ALG12: variants seen among roughly 807,000 people sequenced by gnomAD.
ALG12 encodes the protein ALG12 alpha-1,6-mannosyltransferase.
Under a neutral mutation model 46.0 loss-of-function variants are expected in ALG12, and 36 were observed. That is an observed-to-expected ratio of 0.78 (90% confidence interval 0.60 to 1.03). ALG12 has a LOEUF of 1.03. ALG12 is among the 50% of genes least tolerant of loss of function. The pLI is 0.00. For synonymous variants in ALG12, 326 were observed against 291.6 expected (o/e 1.12, Z -1.20); for missense variants, 599 against 633.5 (o/e 0.95, Z 0.58).
chr22:49,911,303 T>C lies in ALG12; in HGVS notation c.296-696A>G, dbSNP rs958750118. Among the ~76,000 whole-genome samples the C allele has an allele frequency of 4.6e-5, 7 of 152,182 alleles. No individual in the cohort carries two copies. In the East Asian group the frequency reaches 5.8e-4, roughly 13 times the overall value. Reference sequence around the variant, plus strand: ...GGGTCCAGGCAGCTGTGGGGGCCAATGGGCAGAGATACCCAGGCACTGCCA... The same window carrying C: ...GGGTCCAGGCAGCTGTGGGGGCCAACGGGCAGAGATACCCAGGCACTGCCA... On this transcript the variant is annotated intron_variant, in intron 3 of 9. Coordinates refer to ENST00000330817, the MANE Select transcript of ALG12 (RefSeq NM_024105.4).
chr22:49,877,848 G>T, the ALG12 span, among the ~76,000 whole-genome samples: 4 of 152,028 alleles, frequency 2.6e-5, no homozygotes, highest in Admixed American at 2.0e-4. Context: ...CTGCCCTTTG[G>T]CCTCCCGCAC....
At chr22:49,875,192 G>A in the ALG12 span, among the ~76,000 whole-genome samples, 1 of 151,520 alleles carries the variant, frequency 6.6e-6, no homozygotes, top group Non-Finnish European at 1.5e-5. Context: ...AGAATTGGGA[G>A]GTGTTTCTTC....
chr22:49,904,365 C>G lies in ALG12; in HGVS notation c.1134G>C (p.Arg378Ser). ...TCTGGGGGGGCACCAGCTGGTGCAG[C>G]CTCTGCATTGCGACGCCACCTGGGT... ...FNYPGGVAMQ[R>S]LHQLVPPQTD... The change falls in exon 8 of 10, where the codon AGG becomes AGC. Residue 378 changes from arginine (R) to serine (S), a missense_variant. Transcript: ENST00000330817. The G allele has an allele frequency of 6.2e-7, 1 of 1,614,210 alleles. No individual in the cohort carries two copies. Among genetic ancestry groups the G allele is most frequent in the Admixed American group, 1.7e-5 (1 of 60,030 alleles).
chr22:49,886,775 C>G, the ALG12 span: 4 of 1,612,386 alleles, frequency 2.5e-6, no homozygotes, highest in South Asian at 1.1e-5. The surrounding 1 kb of genome is among the most constrained non-coding windows in gnomAD (Gnocchi z 7.7). Context: ...CTCATGAATT[C>G]TACCTCAGAG....
chr22:49,916,406 C>A (rs2060609458), intron 1 of ALG12, among the ~76,000 whole-genome samples: 1 of 152,026 alleles, frequency 6.6e-6, no homozygotes, highest in Non-Finnish European at 1.5e-5. Context: ...CATGGTGAAA[C>A]CTCATCTCTA....
the ALG12 span, chr22:49,885,865 T>C: frequency 1.4e-6 from 2 of 1,379,508 alleles, no homozygotes; most frequent in East Asian, 4.6e-5. Context: ...GTCTGGAATA[T>C]GGATGAGTAA....
chr22:49,878,348 C>T, the ALG12 span, among the ~76,000 whole-genome samples: 1 of 147,852 alleles, frequency 6.8e-6, no homozygotes. Context: ...GCTTTCATTT[C>T]TCAAGAGTAA....
At chr22:49,882,625 GCT>G in the ALG12 span, among the ~76,000 whole-genome samples, 2 of 152,150 alleles carry the variant, frequency 1.3e-5, no homozygotes, top group Admixed American at 1.3e-4. Flanking sequence ...GTCTTGCCCT[GCT>G]CTCTCCTGTC....
At chr22:49,893,298 A>G in the ALG12 span, among the ~76,000 whole-genome samples, 1 of 152,234 alleles carries the variant, frequency 6.6e-6, no homozygotes. Context: ...GACATCAGCC[A>G]TAGGTGTCAA....
At chr22:49,886,479 C>T in the ALG12 span, 3 of 1,570,492 alleles carry the variant, frequency 1.9e-6, no homozygotes, top group Non-Finnish European at 2.6e-6. The surrounding 1 kb of genome is among the most constrained non-coding windows in gnomAD (Gnocchi z 7.7). Context: ...CGCTAAAGCC[C>T]TTCGAGGCTG....
the ALG12 span, among the ~76,000 whole-genome samples, chr22:49,881,914 T>G: frequency 3.3e-5 from 5 of 152,342 alleles, no homozygotes; most frequent in African/African-American, 1.2e-4. Context: ...GAACCTGCAT[T>G]TATTTCTGGT....
intron 1 of ALG12, among the ~76,000 whole-genome samples, chr22:49,918,002 TCGGGCCC>T (rs1402184405): frequency 1.5e-5 from 2 of 135,400 alleles, no homozygotes; most frequent in African/African-American, 5.7e-5. Context: ...AGGTGAGAGG[TCGGGCCC>T]CCGGATGAGA....
At chr22:49,884,192 C>G in the ALG12 span, 1 of 1,608,258 alleles carries the variant, frequency 6.2e-7, no homozygotes, top group Non-Finnish European at 8.5e-7. Flanking sequence ...GGCAGTGTGT[C>G]TGCCGTGTCC....
downstream of ALG12, chr22:49,900,119 G>C (rs909390412): frequency 1.3e-5 from 2 of 152,316 alleles, no homozygotes; most frequent in South Asian, 2.1e-4. Flanking sequence ...AGCTATGTTT[G>C]CAACACTGTA....
the ALG12 span, among the ~76,000 whole-genome samples, chr22:49,879,290 A>G: frequency 4.6e-4 from 69 of 150,678 alleles, no homozygotes; most frequent in African/African-American, 1.5e-3. Context: ...ACGCCGCGCT[A>G]ATTTTTTTGT....
the ALG12 span, chr22:49,885,982 C>A: frequency 1.4e-6 from 1 of 700,758 alleles, no homozygotes; most frequent in Non-Finnish European, 2.6e-6. Context: ...GGACGTGTCG[C>A]AGGTGGACTG....
the ALG12 span, chr22:49,884,959 G>A: frequency 1.4e-5 from 23 of 1,611,934 alleles, no homozygotes; most frequent in Non-Finnish European, 2.0e-5. Flanking sequence ...GAAGCAGCAG[G>A]CTGATGGGCT....
the ALG12 span, chr22:49,885,260 G>A: frequency 6.2e-7 from 1 of 1,600,076 alleles, no homozygotes; most frequent in African/African-American, 1.3e-5. Flanking sequence ...TCTGCAGAAA[G>A]TTCCTCTTCC....
At chr22:49,909,471 T>C in intron 5 of ALG12, 124 bp from the exon 6 acceptor site, 1 of 993,408 alleles carries the variant, frequency 1.0e-6, no homozygotes, top group Non-Finnish European at 1.5e-6. Context: ...TTGGGCAGGG[T>C]GGGAAGATTG....
Sources: gnomAD v4.1 joint callset for allele counts (sites outside exome capture counted in the v4.1 genomes callset) on GRCh38, gnomAD v4.1.1 for gene constraint, Gnocchi (gnomAD v3.1) non-coding constraint, MANE v1.5 for transcripts, NCBI Gene and HGNC (gene_info 2026-07-23, HGNC 2026-07-21) for gene names.